The following THRB variants were observed in gnomAD, a reference collection of about 807,000 sequenced individuals.
THRB encodes nuclear receptor subfamily 1 group A member 2.
A neutral mutation model predicts 47.8 loss-of-function variants in THRB; 12 were observed. That is an observed-to-expected ratio of 0.25 (90% CI 0.16 to 0.41). The LOEUF (loss-of-function observed/expected upper bound fraction) is 0.41. THRB is among the 10% of genes least tolerant of loss of function. The pLI is 1.00. For synonymous variants in THRB, 218 were observed against 212.2 expected (o/e 1.03, Z -0.24); for missense variants, 348 against 589.2 (o/e 0.59, Z 4.24).
intron 1 of THRB, among the ~76,000 whole-genome samples, chr3:24,454,735 A>C (rs1427822833): frequency 2.0e-5 from 3 of 151,960 alleles, no homozygotes; most frequent in Non-Finnish European, 2.9e-5. Context: ...TTTTCTATAG[A>C]TATTGTTGAA....
chr3:24,142,536 T>C (rs1054744743), intron 8 of THRB, among the ~76,000 whole-genome samples: 1 of 152,252 alleles, frequency 6.6e-6, no homozygotes, highest in African/African-American at 2.4e-5. Context: ...CTATATCTTC[T>C]TGTTCAGATG....
chr3:24,385,938 AC>A (rs572628164), intron 1 of THRB, among the ~76,000 whole-genome samples: 79 of 152,318 alleles, frequency 5.2e-4, no homozygotes, highest in Middle Eastern at 3.4e-3. Context: ...GTGGCAGGTT[AC>A]TTCATGTGAA....
In THRB at chr3:24,335,884, C is replaced by T. The variant is rs151305289; in HGVS notation, c.-189+1416G>A. Among the ~76,000 whole-genome samples the T allele has an allele frequency of 8.2e-3, 1,250 of 152,194 alleles. 16 individuals are homozygous for T. The highest frequency in any genetic ancestry group is 0.01 in the Non-Finnish European group (692 of 68,024). Reference sequence around the variant, plus strand: ...AGTATTGGGAGGTGCCCCCAGTTTCCTGGTGGGAATGGAAGACCTCTGAGG... The same window carrying T: ...AGTATTGGGAGGTGCCCCCAGTTTCTTGGTGGGAATGGAAGACCTCTGAGG... On this transcript the variant is annotated intron_variant, in intron 2 of 10. Coordinates refer to ENST00000646209, the MANE Select transcript of THRB (RefSeq NM_001354712.2).
intron 2 of THRB, among the ~76,000 whole-genome samples, chr3:24,308,064 G>A (rs1056278555): frequency 1.3e-5 from 2 of 152,108 alleles, no homozygotes; most frequent in Non-Finnish European, 2.9e-5. Flanking sequence ...GAAAGGTTGG[G>A]GAAGGGATAT....
intron 1 of THRB, among the ~76,000 whole-genome samples, chr3:24,451,320 G>A (rs542926821): frequency 1.4e-4 from 20 of 142,068 alleles, no homozygotes; most frequent in African/African-American, 5.1e-4. Flanking sequence ...TGCAACCTCT[G>A]TCTCCCAGAT....
At chr3:24,224,703 C>A (rs2047484011) in intron 4 of THRB, among the ~76,000 whole-genome samples, 1 of 152,190 alleles carries the variant, frequency 6.6e-6, no homozygotes, top group Non-Finnish European at 1.5e-5. Context: ...AAATGCACTG[C>A]CTCAGTGTTC....
At chr3:24,383,137 G>A (rs1417818836) in intron 1 of THRB, among the ~76,000 whole-genome samples, 3 of 152,044 alleles carry the variant, frequency 2.0e-5, no homozygotes, top group South Asian at 2.1e-4. Flanking sequence ...ATTTCCTTTT[G>A]CCAGACTATA....
chr3:24,441,824 C>G (rs2071556408), intron 1 of THRB, among the ~76,000 whole-genome samples: 1 of 152,170 alleles, frequency 6.6e-6, no homozygotes, highest in Non-Finnish European at 1.5e-5. Context: ...CTATCTCACT[C>G]TAGTCTCCCC....
intron 1 of THRB, among the ~76,000 whole-genome samples, chr3:24,475,407 T>C (rs9310744): frequency 0.43 from 66,067 of 151,948 alleles, 14,963 homozygotes; most frequent in African/African-American, 0.56. Context: ...TACTTTCTTA[T>C]ACTAATTTTC....
At chr3:24,280,428 C>T (rs967102942) in intron 3 of THRB, among the ~76,000 whole-genome samples, 12 of 152,258 alleles carry the variant, frequency 7.9e-5, no homozygotes, top group Admixed American at 7.2e-4. Context: ...ACACCAAAAA[C>T]CCATCTGTAC....
intron 1 of THRB, among the ~76,000 whole-genome samples, chr3:24,405,413 C>T (rs1233160173): frequency 1.3e-5 from 2 of 151,926 alleles, no homozygotes; most frequent in African/African-American, 2.4e-5. Context: ...GACTGTGGCA[C>T]CTGCAAAATC....
At chr3:24,147,119 T>C (rs1458478832) in intron 6 of THRB, among the ~76,000 whole-genome samples, 1 of 152,170 alleles carries the variant, frequency 6.6e-6, no homozygotes, top group African/African-American at 2.4e-5. Context: ...TTCTAAATAT[T>C]GAATATATAA....
chr3:24,456,469 A>G (rs1203478778), intron 1 of THRB, among the ~76,000 whole-genome samples: 1 of 152,070 alleles, frequency 6.6e-6, no homozygotes, highest in African/African-American at 2.4e-5. Context: ...TATGAAATAG[A>G]GTTTTCTACA....
chr3:24,124,933 T>C (rs964878476), intron 10 of THRB, among the ~76,000 whole-genome samples: 9 of 152,154 alleles, frequency 5.9e-5, no homozygotes, highest in African/African-American at 1.7e-4. Context: ...GGAGGGTGGA[T>C]TGTGAAAAGT....
intron 10 of THRB, among the ~76,000 whole-genome samples, chr3:24,125,647 C>G (rs2032616132): frequency 6.6e-6 from 1 of 152,184 alleles, no homozygotes; most frequent in Admixed American, 6.5e-5. Context: ...GGCCCCATTT[C>G]TTGCTGGCTG....
intron 8 of THRB, among the ~76,000 whole-genome samples, chr3:24,141,781 AT>A (rs2035483407): frequency 6.6e-6 from 1 of 152,202 alleles, no homozygotes; most frequent in Admixed American, 6.5e-5. Flanking sequence ...CTTACTTGGA[AT>A]TCAGCTTGGT....
intron 1 of THRB, among the ~76,000 whole-genome samples, chr3:24,454,604 G>A (rs1252329299): frequency 6.6e-6 from 1 of 152,202 alleles, no homozygotes; most frequent in Non-Finnish European, 1.5e-5. Flanking sequence ...CAAGGCAGGT[G>A]TGGCTTAACT....
chr3:24,130,798 G>GA (rs1340303755), intron 9 of THRB, among the ~76,000 whole-genome samples: 1 of 152,184 alleles, frequency 6.6e-6, no homozygotes, highest in Non-Finnish European at 1.5e-5. Flanking sequence ...CATAGTCAGT[G>GA]ATGCGGGCAG....
chr3:24,201,284 G>C (rs1036877407), intron 4 of THRB, among the ~76,000 whole-genome samples: 2 of 152,072 alleles, frequency 1.3e-5, no homozygotes, highest in Admixed American at 1.3e-4. Flanking sequence ...GTTCCTGTAG[G>C]CCTGCTTGAT....
Sources: allele counts gnomAD v4.1 joint callset (sites outside exome capture counted in the v4.1 genomes callset), GRCh38; gene constraint gnomAD v4.1.1; transcripts MANE v1.5; gene names NCBI Gene and HGNC (gene_info 2026-07-23, HGNC 2026-07-21).